Variants in UBAP1 observed in about 807,000 individuals in gnomAD.
UBAP1 encodes ubiquitin-associated protein 1.
Under a neutral mutation model 39.0 loss-of-function variants are expected in UBAP1, and 5 were observed. The ratio of observed to expected loss-of-function variants is 0.13; its 90% CI spans 0.07 to 0.27. UBAP1 has a LOEUF of 0.27. Ranked by LOEUF, UBAP1 falls within the 10% of genes least tolerant of loss-of-function variation. UBAP1 has a pLI of 1.00. For synonymous variants in UBAP1, 211 were observed against 225.1 expected (o/e 0.94, Z 0.56); for missense variants, 490 against 608.1 (o/e 0.81, Z 2.04).
chr9:34,216,910 T>C (rs564273477), intron 1 of UBAP1, among the ~76,000 whole-genome samples: 1 of 152,150 alleles, frequency 6.6e-6, no homozygotes, highest in East Asian at 1.9e-4. Context: ...GAATATATTA[T>C]TGTTAACTGT....
intron 1 of UBAP1, among the ~76,000 whole-genome samples, chr9:34,215,694 AAAAG>A (rs1460362971): frequency 6.6e-6 from 1 of 152,046 alleles, no homozygotes; most frequent in Admixed American, 6.6e-5. Flanking sequence ...AAATAATAAA[AAAAG>A]GGTTTAAAAA....
intron 1 of UBAP1, among the ~76,000 whole-genome samples, chr9:34,181,401 C>T (rs1830022651): frequency 6.6e-6 from 1 of 151,268 alleles, no homozygotes; most frequent in South Asian, 2.1e-4. Context: ...CAGGCGTGAG[C>T]CACCGCGCCC....
chr9:34,192,855 C>A lies in UBAP1; in HGVS notation c.-8+13615C>A, dbSNP rs117070976. Among the ~76,000 whole-genome samples the A allele has an allele frequency of 6.2e-3, 936 of 152,082 alleles. 11 individuals are homozygous for A. The highest frequency in any genetic ancestry group is 0.012 in the Non-Finnish European group (813 of 68,000). On this transcript the variant is annotated intron_variant, in intron 1 of 6. Coordinates refer to ENST00000297661, the MANE Select transcript of UBAP1 (RefSeq NM_016525.5). ...AATTATAGGACTTTAAATATTTTGC[C>A]TTTCCTCTTTTATATAAAAATATTA...
intron 1 of UBAP1, among the ~76,000 whole-genome samples, chr9:34,216,185 TTTTTTTTTTTGTAA>T (rs1832304627): frequency 1.7e-5 from 1 of 58,600 alleles, no homozygotes; most frequent in Non-Finnish European, 3.5e-5. Context: ...TTTTCTGCCA[TTTTTTTTTTTGTAA>T]TTTAATTTAA....
intron 3 of UBAP1, among the ~76,000 whole-genome samples, chr9:34,235,916 CTCTT>C (rs1229861036): frequency 1.3e-5 from 2 of 150,640 alleles, no homozygotes; most frequent in Non-Finnish European, 2.9e-5. Flanking sequence ...AGAAGAGAGA[CTCTT>C]TCTGTCTCTA....
chr9:34,242,160 T>C, intron 4 of UBAP1, 52 bp downstream of exon 4: 2 of 1,503,270 alleles, frequency 1.3e-6, no homozygotes, highest in Non-Finnish European at 9.0e-7. Flanking sequence ...ATGACAGGGA[T>C]TATGTTTTTT....
chr9:34,208,409 G>A (rs1011401959), intron 1 of UBAP1, among the ~76,000 whole-genome samples: 7 of 152,114 alleles, frequency 4.6e-5, no homozygotes, highest in African/African-American at 7.2e-5. Flanking sequence ...TTGGGAGGCC[G>A]AGGCAGGCAG....
intron 1 of UBAP1, among the ~76,000 whole-genome samples, chr9:34,188,530 G>T (rs1402203023): frequency 2.7e-5 from 4 of 150,036 alleles, no homozygotes; most frequent in Admixed American, 6.7e-5. Flanking sequence ...GCCTCCCCAA[G>T]TGCTGGGATT....
intron 1 of UBAP1, among the ~76,000 whole-genome samples, chr9:34,211,514 G>A (rs550818489): frequency 6.6e-6 from 1 of 152,244 alleles, no homozygotes; most frequent in East Asian, 1.9e-4. Context: ...TTGCTATTTT[G>A]TTTTGGGAAG....
At position 34,179,068 on chromosome 9, in the gene UBAP1, C is replaced by G; in HGVS notation, c.-180C>G. 7.8e-7 allele frequency: 1 copy of G among 1,278,548 alleles called. No individual in the cohort carries two copies. Among genetic ancestry groups the G allele is most frequent in the Non-Finnish European group, 9.9e-7 (1 of 1,011,152 alleles). 79.2% of individuals were successfully genotyped at this position (1,278,548 alleles called of 1,614,324 possible). On this transcript the variant is annotated 5_prime_UTR_variant, in exon 1 of 7. Transcript: ENST00000297661. ...GGGAAGTAGGACTTCAACATGGCGG[C>G]TGCGGCACTGGCGGTGGCTACGGTG...
chr9:34,206,501 C>A (rs1464073267), intron 1 of UBAP1, among the ~76,000 whole-genome samples: 2 of 151,720 alleles, frequency 1.3e-5, no homozygotes, highest in African/African-American at 4.8e-5. Flanking sequence ...CAGAGTGAGA[C>A]CCTGTCTCAA....
At chr9:34,184,308 T>TA (rs1830257114) in intron 1 of UBAP1, among the ~76,000 whole-genome samples, 2 of 151,696 alleles carry the variant, frequency 1.3e-5, no homozygotes, top group South Asian at 4.2e-4. Flanking sequence ...CCAGGATTGT[T>TA]AAACACTTTC....
intron 1 of UBAP1, among the ~76,000 whole-genome samples, chr9:34,181,454 A>G (rs772677357): frequency 7.4e-6 from 1 of 136,028 alleles, no homozygotes; most frequent in Non-Finnish European, 1.6e-5. Flanking sequence ...ATTTTTTGAG[A>G]CGGAGTCTCC....
intron 2 of UBAP1, among the ~76,000 whole-genome samples, chr9:34,226,113 G>GTGTGTGTGTGTGTGTGTGTGTGTGTT (rs1563911107): frequency 6.3e-4 from 56 of 89,344 alleles, no homozygotes; most frequent in African/African-American, 1.8e-3. Flanking sequence ...TATTGTGTGT[G>GTGTGTGTGTGTGTGTGTGTGTGTGTT]TGTGTGTGTG....
intron 1 of UBAP1, among the ~76,000 whole-genome samples, chr9:34,180,679 A>G (rs570207395): frequency 6.6e-6 from 1 of 152,342 alleles, no homozygotes; most frequent in East Asian, 1.9e-4. Flanking sequence ...TTGCAATAAT[A>G]AGAGTCATTA....
intron 1 of UBAP1, among the ~76,000 whole-genome samples, chr9:34,186,595 G>GT (rs1438917551): frequency 1.3e-5 from 2 of 151,990 alleles, no homozygotes; most frequent in Non-Finnish European, 2.9e-5. Flanking sequence ...TATCTATAGT[G>GT]TTTTTTATCA....
Position 34,251,395 on chromosome 9 carries a change from A to C in UBAP1, c.1372A>C (p.Met458Leu). The C allele has an allele frequency of 6.2e-7, 1 of 1,614,118 alleles. No individual in the cohort carries two copies. The highest frequency in any genetic ancestry group is 8.5e-7 in the Non-Finnish European group (1 of 1,179,984). Reference sequence around the variant, plus strand: ...TGTGTTCTCTTCTCTCCCTTAGATGATGGAGTTTCTTCAGTTAATGAGCAA... The same window carrying C: ...TGTGTTCTCTTCTCTCCCTTAGATGCTGGAGTTTCTTCAGTTAATGAGCAA... ...EMHQCSEEKMMEFLQLMSKFK... is the reference protein window; with the variant it reads ...EMHQCSEEKMLEFLQLMSKFK... Residue 458 changes from methionine (M) to leucine (L), a missense_variant, in exon 7 of 7, where the codon ATG (methionine) becomes CTG (leucine). By Grantham distance (15) the Met-to-Leu change is conservative. Coordinates refer to ENST00000297661, the MANE Select transcript of UBAP1 (RefSeq NM_016525.5).
intron 1 of UBAP1, among the ~76,000 whole-genome samples, chr9:34,196,712 C>T (rs13292462): frequency 0.33 from 49,384 of 151,484 alleles, 9,816 homozygotes; most frequent in Non-Finnish European, 0.45. Context: ...CCCAAAGCAC[C>T]GGGATTACAA....
chr9:34,211,248 C>T (rs1242608177), intron 1 of UBAP1, among the ~76,000 whole-genome samples: 2 of 151,924 alleles, frequency 1.3e-5, no homozygotes, highest in Admixed American at 6.6e-5. Context: ...CTTTGAGACC[C>T]CAGAGAGAAG....
Sources: gnomAD v4.1 joint callset for allele counts (sites outside exome capture counted in the v4.1 genomes callset) on GRCh38, gnomAD v4.1.1 for gene constraint, MANE v1.5 for transcripts, NCBI Gene and HGNC (gene_info 2026-07-23, HGNC 2026-07-21) for gene names.